ZKSCAN5: variants seen among roughly 807,000 people sequenced by gnomAD.
The protein encoded by ZKSCAN5 is zinc finger protein with KRAB and SCAN domains 5.
A neutral mutation model predicts 60.0 loss-of-function variants in ZKSCAN5; 28 were observed. The observed-to-expected ratio is 0.47, with a 90% CI of 0.35 to 0.64. ZKSCAN5 has a LOEUF of 0.64. Ranked by LOEUF, ZKSCAN5 falls within the 30% of genes least tolerant of loss-of-function variation. The pLI is 0.01. For missense variants in ZKSCAN5, 881 were observed against 1,034.6 expected, an observed-to-expected ratio of 0.85 and a Z score of 2.04; for synonymous variants, 361 against 371.2, an observed-to-expected ratio of 0.97 and a Z score of 0.31.
rs115079460 is a variant in ZKSCAN5 at position 99,531,992 on chromosome 7, G to A, written c.2263G>A (p.Gly755Ser). 20 of 1,614,128 alleles carry A rather than the reference G, an allele frequency of 1.2e-5. 1 individual carries two copies. The Middle Eastern group carries it at 4.9e-4, about 40-fold the overall frequency. Residue 755 changes from glycine to serine, a missense_variant, in exon 7 of 7, where the codon GGC becomes AGC. Gly to Ser is a moderately conservative substitution (Grantham distance 56). Around this residue, in one of 5 missense-constraint regions of ZKSCAN5, gnomAD observed 138 missense variants for 143.8 expected, o/e 0.96. Transcript: ENST00000326775. ...ATGTGATATATGTAGAGAAAATGTT[G>A]GCCAGTGTTCCCACACCAAACAACA... is the stretch of plus-strand genomic sequence containing the variant. The part of the protein sequence containing the change: ...YQCDICRENV[G>S]QCSHTKQHQK...
At chr7:99,506,538 C>T (rs983468386) in intron 2 of ZKSCAN5, 80 bp downstream of exon 2, 19 of 1,466,430 alleles carry the variant, frequency 1.3e-5, no homozygotes, top group Non-Finnish European at 1.5e-5. Flanking sequence ...TCTTAGTCCT[C>T]TGCTGCTTCA....
rs78384177 is a variant in ZKSCAN5, at chr7:99,523,605, CA to C, written c.773-2205del. Among the ~76,000 whole-genome samples the C allele has an allele frequency of 7.1e-5, 10 of 140,206 alleles. No homozygotes were observed. The East Asian group carries it at 9.8e-4, about 14-fold the overall frequency. 92.0% of individuals were successfully genotyped at this position (140,206 alleles called of 152,430 possible). A position where few individuals can be genotyped will look rare whatever the true frequency, so the allele number is the denominator to read the frequency against. The stretch of plus-strand genomic sequence containing the variant: ...TGGGTGACAGAGCAAGACCCAGTCT[CA>C]AATCAATCAATCAATCAATCAATCA... On this transcript the variant is annotated intron_variant, in intron 5 of 6. Coordinates refer to ENST00000326775, the MANE Select transcript of ZKSCAN5 (RefSeq NM_145102.4).
chr7:99,518,090 G>A (rs1404888170), intron 3 of ZKSCAN5, among the ~76,000 whole-genome samples: 1 of 152,148 alleles, frequency 6.6e-6, no homozygotes, highest in African/African-American at 2.4e-5. Flanking sequence ...TCCAAGAGTG[G>A]TCCAGGAAGC....
intron 2 of ZKSCAN5, among the ~76,000 whole-genome samples, chr7:99,510,035 C>G (rs1800946134): frequency 6.6e-6 from 1 of 152,066 alleles, no homozygotes; most frequent in Non-Finnish European, 1.5e-5. Context: ...GCCTCGAACT[C>G]CTGGCCTCAA....
chr7:99,514,835 C>T (rs530754111), intron 3 of ZKSCAN5, among the ~76,000 whole-genome samples: 108 of 151,700 alleles, frequency 7.1e-4, no homozygotes, highest in African/African-American at 2.3e-3. Flanking sequence ...TGCTTGAACC[C>T]GGGAGTTGGA....
At chr7:99,512,803 CT>C (rs985304428) in intron 3 of ZKSCAN5, among the ~76,000 whole-genome samples, 6 of 150,704 alleles carry the variant, frequency 4.0e-5, no homozygotes, top group East Asian at 1.9e-4. Context: ...ACACCAGCTT[CT>C]TTTTTTTTCT....
intron 2 of ZKSCAN5, among the ~76,000 whole-genome samples, chr7:99,506,751 C>T (rs1259509261): frequency 2.0e-5 from 3 of 152,122 alleles, no homozygotes; most frequent in Non-Finnish European, 2.9e-5. Flanking sequence ...GGTGCGATCT[C>T]GGCTCACTGC....
Position 99,506,474 on chromosome 7 carries a change from G to A in ZKSCAN5, c.414+16G>A. On this transcript the variant is annotated intron_variant, in intron 2 of 6. Coordinates refer to ENST00000326775, the MANE Select transcript of ZKSCAN5 (RefSeq NM_145102.4). ...CAGACAGCAGGTGAGTCAAAGAGAAGCTATATGAGCAATGAAGGAGAGGAG... is the reference window on the plus strand; with the variant it reads ...CAGACAGCAGGTGAGTCAAAGAGAAACTATATGAGCAATGAAGGAGAGGAG... 3.1e-6 allele frequency: 5 copies of A among 1,593,022 alleles called. No homozygotes were observed. Among genetic ancestry groups the A allele is most frequent in the Non-Finnish European group, 4.3e-6 (5 of 1,167,470 alleles).
chr7:99,512,733 G>T (rs1294475113), intron 3 of ZKSCAN5, 142 bp downstream of exon 3: 1 of 1,041,278 alleles, frequency 9.6e-7, no homozygotes, highest in Admixed American at 3.9e-5. Context: ...GGAAAGGCCA[G>T]GGACCTGGAG....
In ZKSCAN5 at chr7:99,532,113, A is replaced by G; in HGVS notation, c.2384A>G (p.His795Arg). 1 of 1,614,188 alleles carries G rather than the reference A, an allele frequency of 6.2e-7. No homozygotes were observed. The highest frequency in any genetic ancestry group is 8.5e-7 in the Non-Finnish European group (1 of 1,180,040). ...CATCTTAATCAACATCAGAGAATCC[A>G]TACTGGTGAGAAACCTTTTCAATGT... ...KSHLNQHQRI[H>R]TGEKPFQCKE... The change falls in exon 7 of 7, where the codon CAT (histidine) becomes CGT (arginine). Residue 795 changes from histidine (H) to arginine (R), a missense_variant. Coordinates refer to ENST00000326775, the MANE Select transcript of ZKSCAN5 (RefSeq NM_145102.4).
rs906428471 is a variant in ZKSCAN5, at chr7:99,534,688, A to C, written c.*2439A>C. The C allele has an allele frequency of 6.6e-6, 1 of 151,836 alleles. No homozygotes were observed. Among genetic ancestry groups the C allele is most frequent in the Non-Finnish European group, 1.5e-5 (1 of 68,100 alleles). 9.4% of individuals were successfully genotyped at this position (151,836 alleles called of 1,614,324 possible). On this transcript the variant is annotated 3_prime_UTR_variant, in exon 7 of 7. Coordinates refer to ENST00000326775, the MANE Select transcript of ZKSCAN5 (RefSeq NM_145102.4). ...GCGACAGTGTCTAAAAAAAAAAAAA[A>C]AAAAAAAAAAAACATTTTTTGGAGA...
intron 5 of ZKSCAN5, among the ~76,000 whole-genome samples, chr7:99,520,708 T>C (rs1269987593): frequency 1.3e-5 from 2 of 152,040 alleles, no homozygotes; most frequent in Non-Finnish European, 2.9e-5. Flanking sequence ...TTTAATAGAT[T>C]GGATAATTTT....
At chr7:99,525,425 T>C (rs1408502096) in intron 5 of ZKSCAN5, among the ~76,000 whole-genome samples, 2 of 151,948 alleles carry the variant, frequency 1.3e-5, no homozygotes, top group African/African-American at 4.8e-5. Context: ...TGAGCCATGA[T>C]TGCCCCACTG....
intron 2 of ZKSCAN5, among the ~76,000 whole-genome samples, chr7:99,509,469 CTT>C (rs774573507): frequency 7.2e-5 from 10 of 138,328 alleles, no homozygotes; most frequent in African/African-American, 1.1e-4. Flanking sequence ...GACCACAGCA[CTT>C]TTTTTTTTTT....
chr7:99,520,690 C>T (rs59846208), intron 5 of ZKSCAN5, among the ~76,000 whole-genome samples: 2 of 152,120 alleles, frequency 1.3e-5, no homozygotes, highest in Admixed American at 1.3e-4. Context: ...TTGGTAGTTA[C>T]TATACTGTTT....
chr7:99,526,473 G>A (rs1801798834), intron 6 of ZKSCAN5, 55 bp downstream of exon 6: 1 of 1,557,102 alleles, frequency 6.4e-7, no homozygotes, highest in Non-Finnish European at 8.6e-7. Flanking sequence ...AGCAAAAGGT[G>A]TTTTATTAGT....
intron 3 of ZKSCAN5, among the ~76,000 whole-genome samples, chr7:99,516,704 G>A (rs746110617): frequency 1.3e-5 from 2 of 152,102 alleles, no homozygotes; most frequent in Non-Finnish European, 2.9e-5. Flanking sequence ...TGAGATGTCC[G>A]GGTGTTGCGC....
intron 6 of ZKSCAN5, 66 bp downstream of exon 6, chr7:99,526,484 A>G (rs1801799471): frequency 6.5e-7 from 1 of 1,546,048 alleles, no homozygotes; most frequent in Admixed American, 1.8e-5. Context: ...TTTTATTAGT[A>G]CGGTACAACA....
At chr7:99,527,311 A>T (rs980647262) in intron 6 of ZKSCAN5, among the ~76,000 whole-genome samples, 6 of 152,226 alleles carry the variant, frequency 3.9e-5, no homozygotes, top group Admixed American at 1.3e-4. Context: ...ACTGCACTCC[A>T]GACTGGCTAA....
Sources: allele counts gnomAD v4.1 joint callset (sites outside exome capture counted in the v4.1 genomes callset), GRCh38; gene constraint gnomAD v4.1.1; regional missense constraint gnomAD v4.1.1; transcripts MANE v1.5; gene names NCBI Gene and HGNC (gene_info 2026-07-23, HGNC 2026-07-21).